Variants in CAMK4 observed in about 807,000 individuals in gnomAD.
CAMK4 encodes the protein calcium/calmodulin-dependent protein kinase type IV.
In CAMK4, 22 loss-of-function variants were observed where a neutral mutation model predicts 44.9. The ratio of observed to expected loss-of-function variants is 0.49; its 90% CI spans 0.35 to 0.70. CAMK4 has a LOEUF of 0.70. Among genes scored for constraint, CAMK4 ranks in the 30% least tolerant of loss-of-function variants. CAMK4 has a pLI of 0.01. For missense variants in CAMK4, 498 were observed against 586.8 expected (o/e 0.85, Z 1.56); for synonymous variants, 218 against 215.4 (o/e 1.01, Z -0.11).
chr5:111,398,375 G>C lies in CAMK4; in HGVS notation c.459+3593G>C, dbSNP rs571977863. Reference sequence around the variant, plus strand: ...GGCTGGCCAGGACTGGGGATAAGGGGGGTTGTTCTAAGGGAAAGACAATAG... The same window carrying C: ...GGCTGGCCAGGACTGGGGATAAGGGCGGTTGTTCTAAGGGAAAGACAATAG... On this transcript the variant is annotated intron_variant, in intron 5 of 10. Transcript: ENST00000282356. 2.0e-5 allele frequency among the ~76,000 whole-genome samples: 3 copies of C among 152,266 alleles called. No individual in the cohort carries two copies. The South Asian group carries it at 6.2e-4, about 32-fold the overall frequency.
chr5:111,445,397 G>A (rs564444641), intron 5 of CAMK4, among the ~76,000 whole-genome samples: 1 of 152,096 alleles, frequency 6.6e-6, no homozygotes, highest in South Asian at 2.1e-4. Context: ...ATATACATAT[G>A]TAGTCTTTTT....
In CAMK4 at chr5:111,388,243, A is replaced by T. The variant is rs17133217; in HGVS notation, c.387-6467A>T. Among the ~76,000 whole-genome samples, 471 of 152,290 alleles carry T rather than the reference A, an allele frequency of 3.1e-3. 4 individuals carry two copies. Among genetic ancestry groups the T allele is most frequent in the African/African-American group, 0.011 (440 of 41,552 alleles). On this transcript the variant is annotated intron_variant, in intron 4 of 10. Coordinates refer to ENST00000282356, the MANE Select transcript of CAMK4 (RefSeq NM_001744.6). ...CTTGCCCCACATATCTACTCTATGG[A>T]TGCTGTTCTCACTACAGAATTAATA...
intron 2 of CAMK4, among the ~76,000 whole-genome samples, chr5:111,367,964 T>C (rs943129488): frequency 1.1e-4 from 16 of 152,118 alleles, no homozygotes; most frequent in Non-Finnish European, 1.5e-4. Flanking sequence ...TCTCCGACCT[T>C]TCTGCATTTC....
chr5:111,414,538 G>C (rs541793971), intron 5 of CAMK4, among the ~76,000 whole-genome samples: 2 of 152,074 alleles, frequency 1.3e-5, no homozygotes, highest in Non-Finnish European at 2.9e-5. Context: ...ACATAATTTT[G>C]CTAGCCTGAT....
intron 1 of CAMK4, among the ~76,000 whole-genome samples, chr5:111,315,071 T>C (rs995288224): frequency 6.6e-6 from 1 of 152,156 alleles, no homozygotes; most frequent in Admixed American, 6.6e-5. Flanking sequence ...AATTGTTACC[T>C]TGCTTATTGC....
At chr5:111,260,368 C>T (rs990810009) in intron 1 of CAMK4, among the ~76,000 whole-genome samples, 4 of 152,334 alleles carry the variant, frequency 2.6e-5, no homozygotes, top group Non-Finnish European at 5.9e-5. Flanking sequence ...TTGGCCCCAC[C>T]TACACCATGT....
intron 1 of CAMK4, among the ~76,000 whole-genome samples, chr5:111,336,322 T>C (rs1372195926): frequency 6.6e-6 from 1 of 151,284 alleles, no homozygotes; most frequent in East Asian, 1.9e-4. Flanking sequence ...GATGCAACAC[T>C]GTACAAGATG....
chr5:111,321,406 A>G (rs551707295), intron 1 of CAMK4, among the ~76,000 whole-genome samples: 25 of 152,196 alleles, frequency 1.6e-4, no homozygotes, highest in Non-Finnish European at 3.2e-4. Context: ...TGTTTGCTAA[A>G]TAAGCCACCA....
intron 5 of CAMK4, among the ~76,000 whole-genome samples, chr5:111,405,748 A>C (rs1457707408): frequency 1.3e-5 from 2 of 152,172 alleles, no homozygotes. Flanking sequence ...GACTTTTGCT[A>C]TAAGACCATC....
chr5:111,272,519 A>G (rs1002520823), intron 1 of CAMK4, among the ~76,000 whole-genome samples: 2 of 152,200 alleles, frequency 1.3e-5, no homozygotes, highest in Admixed American at 6.5e-5. Flanking sequence ...GCTTACATAC[A>G]TTCACATAAA....
At chr5:111,293,487 C>T (rs947817801) in intron 1 of CAMK4, among the ~76,000 whole-genome samples, 2 of 151,536 alleles carry the variant, frequency 1.3e-5, no homozygotes, top group Admixed American at 6.6e-5. Flanking sequence ...AGTGCAATGG[C>T]GTGATCTCAG....
At position 111,478,491 on chromosome 5, in the gene CAMK4, T is replaced by C; in HGVS notation, c.812T>C (p.Leu271Pro). The C allele has an allele frequency of 6.5e-7, 1 of 1,544,102 alleles. No individual in the cohort carries two copies. The highest frequency in any genetic ancestry group is 1.4e-5 in the African/African-American group (1 of 73,328). Residue 271 changes from leucine (L) to proline (P), a missense_variant, in exon 9 of 11, where the codon CTA (leucine) becomes CCA (proline). This residue lies in a region of CAMK4 where 203 missense variants were observed against 298.2 expected (regional missense o/e 0.68). Transcript: ENST00000282356. ...FISPWWDEVSLNAKDLVRKLI... is the reference protein window; with the variant it reads ...FISPWWDEVSPNAKDLVRKLI... ...TCCCCCTGGTGGGATGAAGTATCTC[T>C]AAATGCCAAGGACTTGGTAAGTGTA...
intron 1 of CAMK4, among the ~76,000 whole-genome samples, chr5:111,308,501 G>GATA (rs1388371452): frequency 1.3e-5 from 2 of 152,046 alleles, no homozygotes; most frequent in Non-Finnish European, 2.9e-5. Context: ...TTCATTCAAA[G>GATA]ATATTTATCT....
intron 3 of CAMK4, among the ~76,000 whole-genome samples, chr5:111,375,390 C>T (rs1751176738): frequency 1.3e-5 from 2 of 152,136 alleles, no homozygotes; most frequent in African/African-American, 4.8e-5. Context: ...CTCAGAAGCT[C>T]TGCTTCAGGC....
chr5:111,374,482 A>G (rs147799226), intron 2 of CAMK4, among the ~76,000 whole-genome samples: 122 of 152,222 alleles, frequency 8.0e-4, no homozygotes, highest in African/African-American at 2.8e-3. Flanking sequence ...AAGTGAAGTG[A>G]TTGACGGCTC....
At chr5:111,383,628 T>TA (rs1179262524) in intron 4 of CAMK4, among the ~76,000 whole-genome samples, 3 of 151,254 alleles carry the variant, frequency 2.0e-5, no homozygotes, top group Non-Finnish European at 4.4e-5. Context: ...GATAATTTTT[T>TA]TTTTTTTTTT....
At chr5:111,231,819 A>T (rs1473355464) in intron 1 of CAMK4, among the ~76,000 whole-genome samples, 2 of 152,256 alleles carry the variant, frequency 1.3e-5, no homozygotes, top group African/African-American at 2.4e-5. Context: ...AAATTGTAAA[A>T]ATAAATTGTA....
At chr5:111,348,385 A>G (rs1036239196) in intron 2 of CAMK4, among the ~76,000 whole-genome samples, 1 of 152,052 alleles carries the variant, frequency 6.6e-6, no homozygotes, top group African/African-American at 2.4e-5. Context: ...GACAGAGTCA[A>G]CACTGATAAT....
At chr5:111,321,664 C>G (rs945437016) in intron 1 of CAMK4, among the ~76,000 whole-genome samples, 2 of 151,966 alleles carry the variant, frequency 1.3e-5, no homozygotes, top group Non-Finnish European at 2.9e-5. Flanking sequence ...GTTATTTTGT[C>G]CTAAAATATG....
Sources: gnomAD v4.1 joint callset for allele counts (sites outside exome capture counted in the v4.1 genomes callset) on GRCh38, gnomAD v4.1.1 for gene constraint, gnomAD v4.1.1 regional missense constraint, MANE v1.5 for transcripts, NCBI Gene and HGNC (gene_info 2026-07-23, HGNC 2026-07-21) for gene names.